Variants in TARBP1 observed in about 807,000 individuals in gnomAD.
The protein encoded by TARBP1 is tRNA guanosine 2 -O-methyltransferase TARBP1, also known as tRNA (guanosine(18)-2'-O)-methyltransferase TARBP1.
TARBP1 carries 144 observed loss-of-function variants against 178.6 expected under a neutral mutation model. The observed-to-expected ratio is 0.81, with a 90% confidence interval of 0.70 to 0.93. The LOEUF is 0.93. TARBP1 is among the 40% of genes least tolerant of loss of function. The probability of loss-of-function intolerance (pLI) is 0.00; values close to 1 mark genes in which losing one functional copy is unlikely to be tolerated. For missense variants in TARBP1, 2,067 were observed against 2,011.7 expected (o/e 1.03, Z -0.53); for synonymous variants, 787 against 781.0 (o/e 1.01, Z -0.13).
chr1:234,465,600 T>C (rs1668347947), intron 5 of TARBP1, 56 bp downstream of exon 5: 4 of 1,473,358 alleles, frequency 2.7e-6, no homozygotes, highest in East Asian at 4.9e-5. Flanking sequence ...AATCTGGTCA[T>C]GTCTCTTAAC....
chr1:234,424,917 C>T (rs758154078), intron 20 of TARBP1, among the ~76,000 whole-genome samples: 5 of 152,040 alleles, frequency 3.3e-5, no homozygotes, highest in African/African-American at 4.8e-5. Flanking sequence ...CAAAATTAGC[C>T]GGGCATGGTG....
At chr1:234,426,857 T>C (rs1366222104) in intron 19 of TARBP1, among the ~76,000 whole-genome samples, 1 of 152,202 alleles carries the variant, frequency 6.6e-6, no homozygotes, top group East Asian at 1.9e-4. Flanking sequence ...ATTACTTCAA[T>C]AAAGAGTTTT....
chr1:234,447,363 A>C (rs1666289595), intron 11 of TARBP1, among the ~76,000 whole-genome samples: 1 of 140,140 alleles, frequency 7.1e-6, no homozygotes, highest in African/African-American at 2.7e-5. Context: ...AAAAAAAAAA[A>C]CCTAAGGATT....
At position 234,465,069 on chromosome 1, in the gene TARBP1, CGGATGGAT is replaced by C. The variant is rs34607418; in HGVS notation, c.1301+579_1301+586del. On this transcript the variant is annotated intron_variant, in intron 5 of 29. Coordinates refer to ENST00000040877, the MANE Select transcript of TARBP1 (RefSeq NM_005646.4). Reference sequence around the variant, plus strand: ...TTCTTAATATGGATGGATGGATGAACGGATGGATGGATGGATGGATGGATGGATGGATG... The same window carrying C: ...TTCTTAATATGGATGGATGGATGAACGGATGGATGGATGGATGGATGGATG... 7.2e-3 allele frequency among the ~76,000 whole-genome samples: 1,088 copies of C among 150,764 alleles called. 11 individuals are homozygous for C. Among genetic ancestry groups the C allele is most frequent in the African/African-American group, 0.024 (974 of 40,986 alleles).
At position 234,402,000 on chromosome 1, in the gene TARBP1, C is replaced by T. The variant is rs945855479; in HGVS notation, c.3990-738G>A. 2.0e-5 allele frequency among the ~76,000 whole-genome samples: 3 copies of T among 152,322 alleles called. No homozygotes were observed. In the East Asian group the frequency reaches 5.8e-4, roughly 29 times the overall value. On this transcript the variant is annotated intron_variant, in intron 24 of 29. Coordinates refer to ENST00000040877, the MANE Select transcript of TARBP1 (RefSeq NM_005646.4). ...CCTGCCCCGCAACAGATCCCATTCCCCTGGGTTTTGCCCTATCTCCCCCAA... is the reference window on the plus strand; with the variant it reads ...CCTGCCCCGCAACAGATCCCATTCCTCTGGGTTTTGCCCTATCTCCCCCAA...
At chr1:234,476,366 C>G (rs1049855532) in intron 1 of TARBP1, among the ~76,000 whole-genome samples, 3 of 152,152 alleles carry the variant, frequency 2.0e-5, no homozygotes, top group Non-Finnish European at 4.4e-5. Flanking sequence ...AAGATATGAA[C>G]TACAGGAAAT....
chr1:234,435,187 C>T (rs1170345635), intron 13 of TARBP1, among the ~76,000 whole-genome samples: 2 of 152,148 alleles, frequency 1.3e-5, no homozygotes, highest in African/African-American at 2.4e-5. Flanking sequence ...CAGTGGCTCA[C>T]GCCTGTAATC....
intron 5 of TARBP1, 38 bp downstream of exon 5, chr1:234,465,618 G>T (rs771186620): frequency 2.1e-6 from 3 of 1,458,116 alleles, no homozygotes; most frequent in Admixed American, 2.5e-5. Flanking sequence ...AACATGAAAT[G>T]TATGTATCAA....
chr1:234,461,647 T>G (rs993023580), intron 6 of TARBP1, among the ~76,000 whole-genome samples: 1 of 152,200 alleles, frequency 6.6e-6, no homozygotes, highest in Non-Finnish European at 1.5e-5. Context: ...GCCATTCTTC[T>G]ATTTGAGATG....
intron 15 of TARBP1, 27 bp downstream of exon 15, chr1:234,430,060 A>AT: frequency 6.3e-7 from 1 of 1,587,758 alleles, no homozygotes; most frequent in South Asian, 1.1e-5. Context: ...ACAGAAATGG[A>AT]TTTTTAAGCC....
chr1:234,452,000 T>C (rs1490860880), intron 9 of TARBP1, among the ~76,000 whole-genome samples: 1 of 152,212 alleles, frequency 6.6e-6, no homozygotes, highest in Non-Finnish European at 1.5e-5. Flanking sequence ...TAATTATTGC[T>C]ACAAAATACG....
rs546298489 is a variant in TARBP1, at chr1:234,413,008, G to A, written c.3706-2477C>T. ...ACCCGCCTGCGCCCCCTCGACCCCC[G>A]ACCCGCCGGAAAGCTCATTCTTGGA... On this transcript the variant is annotated intron_variant, in intron 22 of 29. Transcript: ENST00000040877. Among the ~76,000 whole-genome samples, 24 of 152,082 alleles carry A rather than the reference G, an allele frequency of 1.6e-4. No individual in the cohort carries two copies. In the South Asian group the frequency reaches 2.9e-3, roughly 19 times the overall value.
chr1:234,465,629 A>G lies in TARBP1; in HGVS notation c.1301+27T>C, dbSNP rs753226773. ...TCTTAACATGAAATGTATGTATCAA[A>G]TACTTCATAACATAATGTCTCTTTA... On this transcript the variant is annotated intron_variant, in intron 5 of 29. Coordinates refer to ENST00000040877, the MANE Select transcript of TARBP1 (RefSeq NM_005646.4). 2.3e-5 allele frequency: 35 copies of G among 1,543,004 alleles called. 1 individual carries two copies. The South Asian group carries it at 3.7e-4, about 16-fold the overall frequency.
At position 234,478,467 on chromosome 1, in the gene TARBP1, C is replaced by A; in HGVS notation, c.637G>T (p.Gly213Trp). 7.2e-7 allele frequency: 1 copy of A among 1,381,600 alleles called. No homozygotes were observed. The allele number at this position is 1,381,600 out of a possible 1,614,324, so 85.6% of individuals were successfully genotyped here. A position where few individuals can be genotyped will look rare whatever the true frequency, so the allele number is the denominator to read the frequency against. Residue 213 changes from glycine (G) to tryptophan (W), a missense_variant, in exon 1 of 30, where the codon GGG becomes TGG. Gly to Trp is a radical substitution (Grantham distance 184). Coordinates refer to ENST00000040877, the MANE Select transcript of TARBP1 (RefSeq NM_005646.4). ...GGAALRAVWG[G>W]LAAPGASLGS... ...AGGGACGCCCCAGGCGCGGCCAGCCCGCCCCACACGGCCCGCAGCGCCGCC... is the reference window on the plus strand; with the variant it reads ...AGGGACGCCCCAGGCGCGGCCAGCCAGCCCCACACGGCCCGCAGCGCCGCC...
At chr1:234,468,197 A>C (rs1668650764) in intron 3 of TARBP1, among the ~76,000 whole-genome samples, 1 of 152,182 alleles carries the variant, frequency 6.6e-6, no homozygotes, top group Admixed American at 6.5e-5. Context: ...TCATGCCTGT[A>C]ATCCAAGCAC....
chr1:234,417,713 C>T (rs1332663480), intron 22 of TARBP1, among the ~76,000 whole-genome samples: 1 of 152,104 alleles, frequency 6.6e-6, no homozygotes, highest in East Asian at 1.9e-4. Flanking sequence ...TTGAAATCTC[C>T]CAAAACCTTT....
chr1:234,425,282 C>A (rs1663603866), intron 20 of TARBP1, among the ~76,000 whole-genome samples: 1 of 152,146 alleles, frequency 6.6e-6, no homozygotes, highest in Non-Finnish European at 1.5e-5. Flanking sequence ...TTGACTGGCA[C>A]TGGAAAATAC....
intron 14 of TARBP1, among the ~76,000 whole-genome samples, chr1:234,432,445 T>A (rs1026933903): frequency 2.0e-5 from 3 of 151,456 alleles, no homozygotes; most frequent in Admixed American, 6.6e-5. Flanking sequence ...TGTTCAAAAA[T>A]ATATATATAT....
At chr1:234,428,994 G>T in intron 17 of TARBP1, 142 bp downstream of exon 17, 1 of 703,910 alleles carries the variant, frequency 1.4e-6, no homozygotes, top group Non-Finnish European at 2.2e-6. Flanking sequence ...TCTTACTCTT[G>T]ATATTTAAGA....
Sources: gnomAD v4.1 joint callset for allele counts (sites outside exome capture counted in the v4.1 genomes callset) on GRCh38, gnomAD v4.1.1 for gene constraint, MANE v1.5 for transcripts, NCBI Gene and HGNC (gene_info 2026-07-23, HGNC 2026-07-21) for gene names.